Variants in COLEC12 observed in about 807,000 individuals in gnomAD.
COLEC12 encodes collectin subfamily member 12, also known as collectin-12.
In COLEC12, 33 loss-of-function variants were observed where a neutral mutation model predicts 71.1. That is an observed-to-expected ratio of 0.46 (90% confidence interval 0.35 to 0.62). The LOEUF (loss-of-function observed/expected upper bound fraction) is 0.62. Among genes scored for constraint, COLEC12 ranks in the 20% least tolerant of loss-of-function variants. COLEC12 has a pLI of 0.00. For missense variants in COLEC12, 765 were observed against 916.1 expected, an observed-to-expected ratio of 0.84 and a Z score of 2.13; for synonymous variants, 350 against 353.0, an observed-to-expected ratio of 0.99 and a Z score of 0.10.
intron 2 of COLEC12, among the ~76,000 whole-genome samples, chr18:404,567 G>T (rs542131103): frequency 6.6e-6 from 1 of 152,270 alleles, no homozygotes; most frequent in South Asian, 2.1e-4. Context: ...CCAAACGGAG[G>T]GACCAGCTGG....
At chr18:403,054 T>C (rs1915718465) in intron 2 of COLEC12, among the ~76,000 whole-genome samples, 1 of 152,174 alleles carries the variant, frequency 6.6e-6, no homozygotes, top group African/African-American at 2.4e-5. Context: ...AAGAGCTATG[T>C]ATGGCCAGCG....
intron 1 of COLEC12, among the ~76,000 whole-genome samples, chr18:491,580 T>C (rs945543146): frequency 6.6e-6 from 1 of 152,230 alleles, no homozygotes; most frequent in Non-Finnish European, 1.5e-5. Flanking sequence ...TGGTAAAAGC[T>C]ACTATGCCTT....
At chr18:339,470 C>T (rs905206960) in intron 5 of COLEC12, among the ~76,000 whole-genome samples, 1 of 152,126 alleles carries the variant, frequency 6.6e-6, no homozygotes, top group Non-Finnish European at 1.5e-5. Flanking sequence ...GAGTAAATAT[C>T]GGGGGGAAAT....
intron 2 of COLEC12, among the ~76,000 whole-genome samples, chr18:451,526 T>A (rs1197266562): frequency 6.6e-6 from 1 of 151,980 alleles, no homozygotes; most frequent in East Asian, 1.9e-4. Flanking sequence ...GGTGGGTGGA[T>A]CACAAGGTCA....
Position 458,719 on chromosome 18 carries a change from T to C in COLEC12, c.58+21988A>G, listed in dbSNP as rs1265255761. On this transcript the variant is annotated intron_variant, in intron 2 of 9. Transcript: ENST00000400256. ...TCTTCCAGACCTTAGGATCACAGAT[T>C]CTGTCTCTATATGATCACTCCTCAA... is the stretch of plus-strand genomic sequence containing the variant. Among the ~76,000 whole-genome samples, 29 of 152,258 alleles carry C rather than the reference T, an allele frequency of 1.9e-4. 1 individual carries two copies. The highest frequency in any genetic ancestry group is 1.9e-3 in the Admixed American group (29 of 15,284).
chr18:405,580 G>A (rs145404560), intron 2 of COLEC12, among the ~76,000 whole-genome samples: 246 of 152,274 alleles, frequency 1.6e-3, no homozygotes, highest in South Asian at 0.015. Flanking sequence ...AAATATTGGG[G>A]GCAGGTTCCC....
intron 2 of COLEC12, among the ~76,000 whole-genome samples, chr18:410,866 A>C (rs11664388): frequency 0.24 from 35,810 of 152,088 alleles, 5,304 homozygotes; most frequent in South Asian, 0.47. Flanking sequence ...TTCAATAATA[A>C]ATGCTCAACA....
In COLEC12 at chr18:346,371, T is replaced by A; in HGVS notation, c.1251A>T (p.Leu417Phe). Residue 417 changes from leucine to phenylalanine, a missense_variant, in exon 5 of 10, where the codon TTA becomes TTT. By Grantham distance (22) the Leu-to-Phe change is conservative. Coordinates refer to ENST00000400256, the MANE Select transcript of COLEC12 (RefSeq NM_130386.3). This position sits in a 1 kb window ranked among gnomAD's most constrained non-coding sequence, Gnocchi z 4.0. The stretch of plus-strand genomic sequence containing the variant: ...GCTTCATTTCTTCCATAATCACTGA[T>A]AAGTTGGCTACTTCAGTGTCTAACC... ...RSRLDTEVANLSVIMEEMKLV... is the reference protein window; with the variant it reads ...RSRLDTEVANFSVIMEEMKLV... 1.2e-6 allele frequency: 2 copies of A among 1,614,142 alleles called. No individual in the cohort carries two copies. Among genetic ancestry groups the A allele is most frequent in the Admixed American group, 1.7e-5 (1 of 60,026 alleles).
chr18:492,041 C>G (rs796690463), intron 1 of COLEC12, among the ~76,000 whole-genome samples: 25 of 152,250 alleles, frequency 1.6e-4, no homozygotes, highest in African/African-American at 5.8e-4. Context: ...ATTAGATCGG[C>G]CTTCCATTCA....
chr18:450,325 G>T (rs990991517), intron 2 of COLEC12, among the ~76,000 whole-genome samples: 3 of 152,188 alleles, frequency 2.0e-5, no homozygotes, highest in Admixed American at 6.5e-5. Context: ...GGGGGGGCCT[G>T]CTGGGAGGAG....
intron 8 of COLEC12, among the ~76,000 whole-genome samples, chr18:326,849 G>C (rs1255713202): frequency 6.6e-6 from 1 of 152,204 alleles, no homozygotes; most frequent in African/African-American, 2.4e-5. Flanking sequence ...CAGTAATTGA[G>C]AGGGGAATGT....
chr18:340,406 G>A (rs891578639), intron 5 of COLEC12, among the ~76,000 whole-genome samples: 1 of 152,050 alleles, frequency 6.6e-6, no homozygotes, highest in African/African-American at 2.4e-5. Context: ...TCTACCCCAC[G>A]GTCCCCAGGC....
chr18:354,436 C>A (rs551896278), intron 3 of COLEC12, among the ~76,000 whole-genome samples: 2 of 152,326 alleles, frequency 1.3e-5, no homozygotes, highest in African/African-American at 4.8e-5. Context: ...GTTGCCTTTG[C>A]CAGCTCTGAT....
chr18:478,926 G>C (rs1436171445), intron 2 of COLEC12, among the ~76,000 whole-genome samples: 2 of 124,294 alleles, frequency 1.6e-5, no homozygotes, highest in African/African-American at 3.5e-5. Flanking sequence ...ACTTTTTTGT[G>C]TGTTTTTCAC....
At position 462,027 on chromosome 18, in the gene COLEC12, G is replaced by A. The variant is rs552093267; in HGVS notation, c.58+18680C>T. On this transcript the variant is annotated intron_variant, in intron 2 of 9. Coordinates refer to ENST00000400256, the MANE Select transcript of COLEC12 (RefSeq NM_130386.3). ...TTTTTAGTTAATACACATCATCCCAGTACTACAGCAAAATAATTCAAGCTG... is the reference window on the plus strand; with the variant it reads ...TTTTTAGTTAATACACATCATCCCAATACTACAGCAAAATAATTCAAGCTG... Among the ~76,000 whole-genome samples, 12 of 152,250 alleles carry A rather than the reference G, an allele frequency of 7.9e-5. No homozygotes were observed. In the South Asian group the frequency reaches 2.5e-3, roughly 32 times the overall value.
At chr18:412,036 A>C (rs1158101122) in intron 2 of COLEC12, among the ~76,000 whole-genome samples, 2 of 152,186 alleles carry the variant, frequency 1.3e-5, no homozygotes, top group East Asian at 3.8e-4. Context: ...GGAGGAGCAG[A>C]TAGAAAAGTA....
In COLEC12 at chr18:362,559, C is replaced by A. The variant is rs1308127078; in HGVS notation, c.59-5037G>T. On this transcript the variant is annotated intron_variant, in intron 2 of 9. Transcript: ENST00000400256. This position sits in a 1 kb window ranked among gnomAD's most constrained non-coding sequence, Gnocchi z 4.6. ...GTTTTCTTAGCATTACTTTCCAGAGCCTGGGGACTTTGTTCCCATGGCGGG... is the reference window on the plus strand; with the variant it reads ...GTTTTCTTAGCATTACTTTCCAGAGACTGGGGACTTTGTTCCCATGGCGGG... Among the ~76,000 whole-genome samples the A allele has an allele frequency of 6.6e-6, 1 of 151,898 alleles. No individual in the cohort carries two copies. Among genetic ancestry groups the A allele is most frequent in the African/African-American group, 2.4e-5 (1 of 41,350 alleles).
chr18:362,195 T>C lies in COLEC12; in HGVS notation c.59-4673A>G, dbSNP rs1914759580. Among the ~76,000 whole-genome samples, 1 of 152,164 alleles carries C rather than the reference T, an allele frequency of 6.6e-6. No homozygotes were observed. The highest frequency in any genetic ancestry group is 1.5e-5 in the Non-Finnish European group (1 of 68,032). On this transcript the variant is annotated intron_variant, in intron 2 of 9. Transcript: ENST00000400256. The surrounding 1 kb of genome is among the most constrained non-coding windows in gnomAD (Gnocchi z 4.6). ...CCCGGACAGCTGTCACTGGTTCACA[T>C]TCCAAAGAGCTGGGGCACTTCCTCA...
At chr18:389,526 C>A (rs547810177) in intron 2 of COLEC12, among the ~76,000 whole-genome samples, 1 of 151,866 alleles carries the variant, frequency 6.6e-6, no homozygotes, top group African/African-American at 2.4e-5. Flanking sequence ...GGTCCGCCCA[C>A]CTCGGCCTCC....
Sources: gnomAD v4.1 joint callset for allele counts (sites outside exome capture counted in the v4.1 genomes callset) on GRCh38, gnomAD v4.1.1 for gene constraint, Gnocchi (gnomAD v3.1) non-coding constraint, MANE v1.5 for transcripts, NCBI Gene and HGNC (gene_info 2026-07-23, HGNC 2026-07-21) for gene names.